Variants in PFKM observed in about 807,000 individuals in gnomAD.
The protein encoded by PFKM is ATP-dependent 6-phosphofructokinase, muscle type.
Under a neutral mutation model 95.5 loss-of-function variants are expected in PFKM, and 58 were observed. The observed-to-expected ratio is 0.61, with a 90% CI of 0.49 to 0.76. PFKM has a LOEUF of 0.76. Ranked by LOEUF, PFKM falls within the 30% of genes least tolerant of loss-of-function variation. PFKM has a pLI of 0.00. For synonymous variants in PFKM, 336 were observed against 357.2 expected, an observed-to-expected ratio of 0.94 and a Z score of 0.67; for missense variants, 678 against 1,005.4, an observed-to-expected ratio of 0.67 and a Z score of 4.40.
Position 48,142,875 on chromosome 12 carries a change from A to G in PFKM, c.1747A>G (p.Met583Val), listed in dbSNP as rs1412044476. The change falls in exon 18 of 23, where the codon ATG becomes GTG. Residue 583 changes from methionine (M) to valine (V), a missense_variant. Coordinates refer to ENST00000359794, the MANE Select transcript of PFKM (RefSeq NM_000289.6). Reference sequence around the variant, plus strand: ...TGGCTACTGTGGCTACCTGGCTACCATGGCTGGACTGGCAGCTGGGGCCGA... The same window carrying G: ...TGGCTACTGTGGCTACCTGGCTACCGTGGCTGGACTGGCAGCTGGGGCCGA... ...MGGYCGYLAT[M>V]AGLAAGADAA... 1.9e-6 allele frequency: 3 copies of G among 1,614,038 alleles called. No individual in the cohort carries two copies. Among genetic ancestry groups the G allele is most frequent in the African/African-American group, 2.7e-5 (2 of 74,926 alleles).
In PFKM at chr12:48,135,444, C is replaced by G. The variant is rs1457634167; in HGVS notation, c.936+61C>G. On this transcript the variant is annotated intron_variant, in intron 10 of 22. Transcript: ENST00000359794. ...AACCCTCAACCTTGTAGTCCTGCCC[C>G]CTCAGGGCTGCACTTCACCAGACAG... is the stretch of plus-strand genomic sequence containing the variant. 7 of 1,208,856 alleles carry G rather than the reference C, an allele frequency of 5.8e-6. No homozygotes were observed. The Admixed American group carries it at 6.9e-5, about 12-fold the overall frequency. 74.9% of individuals were successfully genotyped at this position (1,208,856 alleles called of 1,614,324 possible).
intron 4 of PFKM, among the ~76,000 whole-genome samples, chr12:48,132,441 C>T (rs913568728): frequency 6.6e-6 from 1 of 152,188 alleles, no homozygotes; most frequent in Non-Finnish European, 1.5e-5. Flanking sequence ...AAAAATACTA[C>T]AAAACACATT....
In PFKM at chr12:48,131,731, A is replaced by G. The variant is rs1387794775; in HGVS notation, c.237+338A>G. 15 of 382,250 alleles carry G rather than the reference A, an allele frequency of 3.9e-5. No individual in the cohort carries two copies. The East Asian group carries it at 9.0e-4, about 23-fold the overall frequency. 23.7% of individuals were successfully genotyped at this position (382,250 alleles called of 1,614,324 possible). On this transcript the variant is annotated intron_variant, in intron 4 of 22. Coordinates refer to ENST00000359794, the MANE Select transcript of PFKM (RefSeq NM_000289.6). ...ATAACCTTACCAGAGGACTGGAGCCAGAGCCAGAAGTGGAGCTGAAATCTG... is the reference window on the plus strand; with the variant it reads ...ATAACCTTACCAGAGGACTGGAGCCGGAGCCAGAAGTGGAGCTGAAATCTG...
chr12:48,143,884 C>G, intron 19 of PFKM, 70 bp downstream of exon 19: 2 of 1,278,588 alleles, frequency 1.6e-6, no homozygotes, highest in South Asian at 2.4e-5. Context: ...ATAGAATGGC[C>G]ATTGTTGGGA....
At position 48,145,336 on chromosome 12, in the gene PFKM, GAGTGGTTCTTTTCCCTGGTAGTTTCA is replaced by G; in HGVS notation, c.2198+24_2198+49del. The G allele has an allele frequency of 1.3e-6, 2 of 1,583,448 alleles. No homozygotes were observed. The highest frequency in any genetic ancestry group is 2.2e-5 in the South Asian group (2 of 90,478). On this transcript the variant is annotated intron_variant, in intron 22 of 22. Transcript: ENST00000359794. This position sits in a 1 kb window ranked among gnomAD's most constrained non-coding sequence, Gnocchi z 4.3. ...TTTGAGTGAGTACATCTGCTTCCTGGAGTGGTTCTTTTCCCTGGTAGTTTCAAGCTCTACTGTCCTCAACCTGTTCA... is the reference window on the plus strand; with the variant it reads ...TTTGAGTGAGTACATCTGCTTCCTGGAGCTCTACTGTCCTCAACCTGTTCA...
In PFKM at chr12:48,141,723, C is replaced by T. The variant is rs775944174; in HGVS notation, c.1413-17C>T. On this transcript the variant is annotated splice_polypyrimidine_tract_variant and intron_variant, in intron 15 of 22. Transcript: ENST00000359794. Reference sequence around the variant, plus strand: ...TTCCAATTCCCCTTCCCCTCCCCGCCATCACTGATCAACTAGGACTCTACC... The same window carrying T: ...TTCCAATTCCCCTTCCCCTCCCCGCTATCACTGATCAACTAGGACTCTACC... 1 of 1,574,724 alleles carries T rather than the reference C, an allele frequency of 6.4e-7. No homozygotes were observed. Among genetic ancestry groups the T allele is most frequent in the Non-Finnish European group, 8.7e-7 (1 of 1,144,082 alleles).
intron 1 of PFKM, chr12:48,106,188 G>T: frequency 1.5e-6 from 1 of 684,756 alleles, no homozygotes; most frequent in Non-Finnish European, 2.7e-6. Flanking sequence ...CAGAGTTAAG[G>T]ACCAGTGGGG....
chr12:48,121,064 T>C (rs1948209146), intron 1 of PFKM, among the ~76,000 whole-genome samples: 1 of 152,294 alleles, frequency 6.6e-6, no homozygotes, highest in African/African-American at 2.4e-5. Context: ...GGCAGGAGAA[T>C]CACTTGAACC....
intron 15 of PFKM, 72 bp downstream of exon 15, chr12:48,141,453 C>G: frequency 7.6e-7 from 1 of 1,314,694 alleles, no homozygotes. Flanking sequence ...GTTCATTATG[C>G]CATGGTCTGC....
rs768094970 is a variant in PFKM, at chr12:48,134,793, C to T, written c.711C>T (p.Asp237=). 1.2e-5 allele frequency: 20 copies of T among 1,613,944 alleles called. No individual in the cohort carries two copies. In the East Asian group the frequency reaches 1.3e-4, roughly 11 times the overall value. ...TTATTCCTGAATGTCCACCAGATGA[C>T]GACTGGGAGGAACACCTTTGTCGCC... ...WVFIPECPPD[D]DWEEHLCRRL... Residue 237 remains aspartate, a synonymous_variant, in exon 8 of 23, where the codon GAC becomes GAT. Coordinates refer to ENST00000359794, the MANE Select transcript of PFKM (RefSeq NM_000289.6).
chr12:48,118,529 G>C, upstream of PFKM: 1 of 1,526,352 alleles, frequency 6.6e-7, no homozygotes, highest in Non-Finnish European at 8.8e-7. Context: ...GAGGGCAGTG[G>C]TAAAAGCAAG....
chr12:48,145,848 G>A lies in PFKM; in HGVS notation c.*140G>A. 1 of 902,226 alleles carries A rather than the reference G, an allele frequency of 1.1e-6. No homozygotes were observed. Among genetic ancestry groups the A allele is most frequent in the Admixed American group, 2.2e-5 (1 of 46,128 alleles). The allele number at this position is 902,226 out of a possible 1,614,324, so 55.9% of individuals were successfully genotyped here. On this transcript the variant is annotated 3_prime_UTR_variant, in exon 23 of 23. Transcript: ENST00000359794. The surrounding 1 kb of genome is among the most constrained non-coding windows in gnomAD (Gnocchi z 4.3). ...TACCTTGCAGCCATGACCAGTTCTGGCCAGGAGCTGGAGGAGCAGGCAGTG... is the reference window on the plus strand; with the variant it reads ...TACCTTGCAGCCATGACCAGTTCTGACCAGGAGCTGGAGGAGCAGGCAGTG...
intron 7 of PFKM, 138 bp from the exon 8 acceptor site, chr12:48,134,583 C>G (rs1013043257): frequency 1.3e-6 from 1 of 766,422 alleles, no homozygotes; most frequent in Non-Finnish European, 2.3e-6. Flanking sequence ...CCCCGGTGCT[C>G]TTACCCTTGC....
intron 2 of PFKM, among the ~76,000 whole-genome samples, chr12:48,127,861 C>G (rs1366504564): frequency 6.6e-6 from 1 of 152,188 alleles, no homozygotes; most frequent in African/African-American, 2.4e-5. Flanking sequence ...AATGTCCATG[C>G]CTGCAGAACT....
At chr12:48,108,215 G>T (rs185546675) in intron 3 of PFKM, 1 of 1,593,704 alleles carries the variant, frequency 6.3e-7, no homozygotes, top group African/African-American at 1.3e-5. Flanking sequence ...TGGGTCAACA[G>T]TGAGAAATGT....
intron 1 of PFKM, among the ~76,000 whole-genome samples, chr12:48,121,304 T>C (rs1326233607): frequency 6.6e-6 from 1 of 152,230 alleles, no homozygotes; most frequent in Non-Finnish European, 1.5e-5. Context: ...CAGGTGACAA[T>C]GGAGCAGAGA....
chr12:48,138,913 G>A (rs1196383902), intron 11 of PFKM, among the ~76,000 whole-genome samples: 2 of 152,106 alleles, frequency 1.3e-5, no homozygotes, highest in African/African-American at 2.4e-5. Flanking sequence ...GGTTGCACAC[G>A]CCTATAATCC....
In PFKM at chr12:48,145,323, C is replaced by T. The variant is rs766131086; in HGVS notation, c.2198+8C>T. 1 of 1,600,316 alleles carries T rather than the reference C, an allele frequency of 6.2e-7. No homozygotes were observed. The highest frequency in any genetic ancestry group is 8.6e-7 in the Non-Finnish European group (1 of 1,167,424). On this transcript the variant is annotated splice_region_variant and intron_variant, in intron 22 of 22. Coordinates refer to ENST00000359794, the MANE Select transcript of PFKM (RefSeq NM_000289.6). The surrounding 1 kb of genome is among the most constrained non-coding windows in gnomAD (Gnocchi z 4.3). Reference sequence around the variant, plus strand: ...GGACCAGACAGATTTTGAGTGAGTACATCTGCTTCCTGGAGTGGTTCTTTT... The same window carrying T: ...GGACCAGACAGATTTTGAGTGAGTATATCTGCTTCCTGGAGTGGTTCTTTT...
At chr12:48,122,490 T>G in intron 1 of PFKM, 1 of 969,892 alleles carries the variant, frequency 1.0e-6, no homozygotes, top group Non-Finnish European at 1.4e-6. Flanking sequence ...TGACCTTAGT[T>G]TATTCCCCAA....
Sources: gnomAD v4.1 joint callset for allele counts (sites outside exome capture counted in the v4.1 genomes callset) on GRCh38, gnomAD v4.1.1 for gene constraint, Gnocchi (gnomAD v3.1) non-coding constraint, MANE v1.5 for transcripts, NCBI Gene and HGNC (gene_info 2026-07-23, HGNC 2026-07-21) for gene names.